Variants in APBA1 observed in about 807,000 individuals in gnomAD.
APBA1 encodes amyloid beta precursor protein binding family A member 1, also known as amyloid-beta A4 precursor protein-binding family A member 1.
In APBA1, 55 loss-of-function variants were observed where a neutral mutation model predicts 86.6. The ratio of observed to expected loss-of-function variants is 0.64; its 90% CI spans 0.51 to 0.80. APBA1 has a LOEUF of 0.80. Among genes scored for constraint, APBA1 ranks in the 30% least tolerant of loss-of-function variants. APBA1 has a pLI of 0.00. For missense variants in APBA1, 1,090 were observed against 1,183.0 expected (o/e 0.92, Z 1.15); for synonymous variants, 511 against 493.9 (o/e 1.03, Z -0.46).
intron 2 of APBA1, among the ~76,000 whole-genome samples, chr9:69,496,513 A>T (rs1326051547): frequency 6.6e-6 from 1 of 152,042 alleles, no homozygotes; most frequent in East Asian, 1.9e-4. Flanking sequence ...GGGGCCAGAG[A>T]GAGGGTGTCC....
At chr9:69,598,340 G>A (rs1478901045) in intron 1 of APBA1, among the ~76,000 whole-genome samples, 4 of 152,158 alleles carry the variant, frequency 2.6e-5, no homozygotes, top group Admixed American at 2.0e-4. Context: ...GCTAGGTGAC[G>A]AGTTAGTGGG....
At chr9:69,590,514 C>CTG (rs1319831338) in intron 1 of APBA1, among the ~76,000 whole-genome samples, 1 of 152,206 alleles carries the variant, frequency 6.6e-6, no homozygotes, top group Non-Finnish European at 1.5e-5. Flanking sequence ...ACTGAGCAAT[C>CTG]TGTGTGTGCA....
At chr9:69,629,856 G>A (rs1210743645) in intron 1 of APBA1, among the ~76,000 whole-genome samples, 4 of 152,162 alleles carry the variant, frequency 2.6e-5, no homozygotes, top group Non-Finnish European at 5.9e-5. Flanking sequence ...TCAGATAGTG[G>A]AGAGTTAAGT....
At chr9:69,627,317 T>C (rs1028335929) in intron 1 of APBA1, among the ~76,000 whole-genome samples, 1 of 152,170 alleles carries the variant, frequency 6.6e-6, no homozygotes, top group African/African-American at 2.4e-5. Context: ...CCTAGGGTTT[T>C]TATTTCTCCT....
At chr9:69,469,490 A>G (rs1835332207) in intron 4 of APBA1, among the ~76,000 whole-genome samples, 1 of 152,222 alleles carries the variant, frequency 6.6e-6, no homozygotes, top group African/African-American at 2.4e-5. Context: ...CTATGTAGTA[A>G]TTAAATAAGG....
chr9:69,595,677 C>T (rs949661377), intron 1 of APBA1, among the ~76,000 whole-genome samples: 1 of 152,102 alleles, frequency 6.6e-6, no homozygotes, highest in Non-Finnish European at 1.5e-5. Flanking sequence ...CTAGCTATAT[C>T]CACAGTGAGG....
rs577625737 is a variant in APBA1 at position 69,469,451 on chromosome 9, G to A, written c.1337-1483C>T. On this transcript the variant is annotated intron_variant, in intron 4 of 12. Transcript: ENST00000265381. Reference sequence around the variant, plus strand: ...GGTGCTTGAAACAGAGAAATTAAAAGTGTTTTAGGAAAGGCTTTCACAAAG... The same window carrying A: ...GGTGCTTGAAACAGAGAAATTAAAAATGTTTTAGGAAAGGCTTTCACAAAG... Among the ~76,000 whole-genome samples the A allele has an allele frequency of 7.9e-5, 12 of 152,270 alleles. No individual in the cohort carries two copies. In the East Asian group the frequency reaches 1.3e-3, roughly 17 times the overall value.
intron 1 of APBA1, among the ~76,000 whole-genome samples, chr9:69,643,271 T>G (rs1285562301): frequency 1.3e-5 from 2 of 152,078 alleles, no homozygotes; most frequent in African/African-American, 4.8e-5. Context: ...ACCTGCCGAG[T>G]CTCAGTAACT....
chr9:69,434,917 G>A (rs1564027316), intron 11 of APBA1, among the ~76,000 whole-genome samples: 1 of 150,002 alleles, frequency 6.7e-6, no homozygotes, highest in Non-Finnish European at 1.5e-5. Flanking sequence ...TTAGCATTAG[G>A]TATATCTCCT....
chr9:69,549,786 A>G (rs1217210209), intron 1 of APBA1, among the ~76,000 whole-genome samples: 1 of 152,268 alleles, frequency 6.6e-6, no homozygotes, highest in African/African-American at 2.4e-5. Context: ...TGAGGTGGAT[A>G]GAAACACGGA....
chr9:69,542,750 C>T (rs1002376389), intron 1 of APBA1, among the ~76,000 whole-genome samples: 10 of 152,140 alleles, frequency 6.6e-5, no homozygotes, highest in African/African-American at 1.4e-4. Context: ...TGTTTAATGC[C>T]CCCTTTTATT....
rs1835441828 is a variant in APBA1 at position 69,476,152 on chromosome 9, C to T, written c.1201-9G>A. 2 of 1,602,806 alleles carry T rather than the reference C, an allele frequency of 1.2e-6. No homozygotes were observed. The highest frequency in any genetic ancestry group is 3.4e-5 in the Admixed American group (2 of 59,568). The stretch of plus-strand genomic sequence containing the variant: ...CTGCCAGGAGACGGAGACTAGAACA[C>T]AGCAAGAGGAAACACAGTGAGAACT... On this transcript the variant is annotated splice_polypyrimidine_tract_variant and intron_variant, in intron 2 of 12. Coordinates refer to ENST00000265381, the MANE Select transcript of APBA1 (RefSeq NM_001163.4).
In APBA1 at chr9:69,634,176, C is replaced by T. The variant is rs548173742; in HGVS notation, c.-70+37977G>A. Among the ~76,000 whole-genome samples, 13 of 152,328 alleles carry T rather than the reference C, an allele frequency of 8.5e-5. No individual in the cohort carries two copies. In the South Asian group the frequency reaches 2.7e-3, roughly 32 times the overall value. The stretch of plus-strand genomic sequence containing the variant: ...TCTTGAATTGCCAACACCACCCCTC[C>T]TCCATCCCCTGGCAACGACCATGTG... On this transcript the variant is annotated intron_variant, in intron 1 of 12. Coordinates refer to ENST00000265381, the MANE Select transcript of APBA1 (RefSeq NM_001163.4).
At chr9:69,632,348 A>G (rs1285394681) in intron 1 of APBA1, among the ~76,000 whole-genome samples, 3 of 152,102 alleles carry the variant, frequency 2.0e-5, no homozygotes, top group Admixed American at 1.3e-4. Flanking sequence ...CCCTCCCCCA[A>G]AGGTGTCTTA....
rs944930458 is a variant in APBA1, at chr9:69,446,279, C to T, written c.2181+3305G>A. 5.3e-5 allele frequency among the ~76,000 whole-genome samples: 8 copies of T among 151,732 alleles called. No homozygotes were observed. In the South Asian group the frequency reaches 8.4e-4, roughly 16 times the overall value. On this transcript the variant is annotated intron_variant, in intron 10 of 12. Coordinates refer to ENST00000265381, the MANE Select transcript of APBA1 (RefSeq NM_001163.4). ...CCCACCAGCCAGGGTGGTCCACGGA[C>T]GGACCATCACATTTCCCCATTCAAC...
chr9:69,643,490 C>T (rs757855125), intron 1 of APBA1, among the ~76,000 whole-genome samples: 32 of 152,170 alleles, frequency 2.1e-4, no homozygotes, highest in Non-Finnish European at 3.2e-4. Flanking sequence ...AAGACTGGCA[C>T]ATCTCTCCTC....
chr9:69,553,041 A>G (rs1381458787), intron 1 of APBA1, among the ~76,000 whole-genome samples: 1 of 151,942 alleles, frequency 6.6e-6, no homozygotes, highest in African/African-American at 2.4e-5. Context: ...GTAGCTGGGA[A>G]TACAGGCATG....
intron 1 of APBA1, among the ~76,000 whole-genome samples, chr9:69,658,181 G>A (rs1823651550): frequency 1.3e-5 from 2 of 152,062 alleles, no homozygotes; most frequent in African/African-American, 2.4e-5. Context: ...CCTGTAGAGA[G>A]GCCTGCTGAT....
intron 2 of APBA1, among the ~76,000 whole-genome samples, chr9:69,510,662 C>A (rs1036544238): frequency 7.0e-6 from 1 of 143,092 alleles, no homozygotes; most frequent in Admixed American, 7.1e-5. Context: ...CGCTACCTGA[C>A]TTCAAACTAT....
Sources: gnomAD v4.1 joint callset for allele counts (sites outside exome capture counted in the v4.1 genomes callset) on GRCh38, gnomAD v4.1.1 for gene constraint, MANE v1.5 for transcripts, NCBI Gene and HGNC (gene_info 2026-07-23, HGNC 2026-07-21) for gene names.